ADD3: variants seen among roughly 807,000 people sequenced by gnomAD.
ADD3 encodes gamma-adducin.
Under a neutral mutation model 80.2 loss-of-function variants are expected in ADD3, and 25 were observed. That is an observed-to-expected ratio of 0.31 (90% confidence interval 0.23 to 0.44). ADD3 has a LOEUF of 0.44. Among genes scored for constraint, ADD3 ranks in the 20% least tolerant of loss-of-function variants. The probability of loss-of-function intolerance (pLI) is 1.00; values close to 1 mark genes in which losing one functional copy is unlikely to be tolerated. For synonymous variants in ADD3, 284 were observed against 289.6 expected, an observed-to-expected ratio of 0.98 and a Z score of 0.20; for missense variants, 829 against 847.5, an observed-to-expected ratio of 0.98 and a Z score of 0.27.
chr10:110,126,456 C>T lies in ADD3; in HGVS notation c.1561C>T (p.Pro521Ser), dbSNP rs1215873583. 2 of 1,613,542 alleles carry T rather than the reference C, an allele frequency of 1.2e-6. No individual in the cohort carries two copies. Among genetic ancestry groups the T allele is most frequent in the Non-Finnish European group, 1.7e-6 (2 of 1,179,922 alleles). Reference sequence around the variant, plus strand: ...TCGATATGACTTGAAAACAGCAGGACCACAATCTCAGTTGCTTGCTGGAAT... The same window carrying T: ...TCGATATGACTTGAAAACAGCAGGATCACAATCTCAGTTGCTTGCTGGAAT... Reference protein sequence around the residue: ...QNRYDLKTAGPQSQLLAGIVV... With the variant: ...QNRYDLKTAGSQSQLLAGIVV... The change falls in exon 12 of 15, where the codon CCA becomes TCA. Residue 521 changes from proline (P) to serine (S), a missense_variant. Transcript: ENST00000356080.
Position 110,133,551 on chromosome 10 carries a change from A to G in ADD3, c.2054A>G (p.Lys685Arg). 1 of 1,611,814 alleles carries G rather than the reference A, an allele frequency of 6.2e-7. No individual in the cohort carries two copies. Among genetic ancestry groups the G allele is most frequent in the East Asian group, 2.2e-5 (1 of 44,840 alleles). ...TCCCCTTCAAAATCGCCATCCAAGA[A>G]AAAGAAGAAATTCCGCACTCCTTCT... Reference protein sequence around the residue: ...EGSPSKSPSKKKKKFRTPSFL... With the variant: ...EGSPSKSPSKRKKKFRTPSFL... Residue 685 changes from lysine to arginine, a missense_variant, in exon 15 of 15, where the codon AAA (lysine) becomes AGA (arginine). By Grantham distance (26) the Lys-to-Arg change is conservative. Transcript: ENST00000356080.
At chr10:110,116,198 C>T in intron 3 of ADD3, 61 bp from the exon 4 acceptor site, 1 of 1,566,384 alleles carries the variant, frequency 6.4e-7, no homozygotes, top group Non-Finnish European at 8.7e-7. Flanking sequence ...TTCCTGGCAA[C>T]TAATTTCCAG....
chr10:110,119,884 G>A (rs1851241238), intron 8 of ADD3, among the ~76,000 whole-genome samples: 1 of 152,158 alleles, frequency 6.6e-6, no homozygotes, highest in Admixed American at 6.5e-5. Context: ...AAGAAAAACA[G>A]CTGCAAATCA....
At chr10:110,097,315 G>A (rs1848284397) in intron 1 of ADD3, among the ~76,000 whole-genome samples, 1 of 152,144 alleles carries the variant, frequency 6.6e-6, no homozygotes, top group Admixed American at 6.5e-5. Context: ...ATTCTTTGGT[G>A]AGGAAAGAAC....
chr10:110,036,375 CT>C lies in ADD3; in HGVS notation c.-30+28096del, dbSNP rs551028000. 2.8e-3 allele frequency among the ~76,000 whole-genome samples: 331 copies of C among 116,794 alleles called. 1 individual carries two copies. The highest frequency in any genetic ancestry group is 5.6e-3 in the South Asian group (19 of 3,370). 76.6% of individuals were successfully genotyped at this position (116,794 alleles called of 152,430 possible). ...TCCCCTTACATAGTTTAGAAAGTGT[CT>C]TTTTTTTTTTTTTTTTTTTCTTGAG... On this transcript the variant is annotated intron_variant, in intron 1 of 14. Transcript: ENST00000356080.
intron 1 of ADD3, among the ~76,000 whole-genome samples, chr10:110,084,974 T>G (rs961666610): frequency 6.6e-6 from 1 of 152,222 alleles, no homozygotes; most frequent in Non-Finnish European, 1.5e-5. Flanking sequence ...TCACTTTTTA[T>G]TGAGAGTTCA....
At chr10:110,013,641 T>C (rs1852586016) in intron 1 of ADD3, among the ~76,000 whole-genome samples, 1 of 152,234 alleles carries the variant, frequency 6.6e-6, no homozygotes, top group African/African-American at 2.4e-5. Flanking sequence ...TTAAGCAGGA[T>C]AACCTAACTC....
chr10:110,017,262 C>A (rs1271570438), intron 1 of ADD3, among the ~76,000 whole-genome samples: 1 of 152,174 alleles, frequency 6.6e-6, no homozygotes, highest in African/African-American at 2.4e-5. Context: ...TCTGCCTTGG[C>A]TGGAAAATAC....
chr10:110,086,679 C>T lies in ADD3; in HGVS notation c.-29-13946C>T, dbSNP rs115243295. Reference sequence around the variant, plus strand: ...CCACCATGCAAAGATGTGCTTGCTTCCCCTTCACCTTTCTGCCATGATTGT... The same window carrying T: ...CCACCATGCAAAGATGTGCTTGCTTTCCCTTCACCTTTCTGCCATGATTGT... On this transcript the variant is annotated intron_variant, in intron 1 of 14. Coordinates refer to ENST00000356080, the MANE Select transcript of ADD3 (RefSeq NM_016824.5). 2.7e-3 allele frequency among the ~76,000 whole-genome samples: 417 copies of T among 152,246 alleles called. 1 individual carries two copies. The highest frequency in any genetic ancestry group is 9.5e-3 in the African/African-American group (393 of 41,538).
At chr10:110,033,141 C>T (rs1009781619) in intron 1 of ADD3, among the ~76,000 whole-genome samples, 1 of 152,160 alleles carries the variant, frequency 6.6e-6, no homozygotes, top group Non-Finnish European at 1.5e-5. Flanking sequence ...GAATGAAAAA[C>T]CCTGTTGAAT....
At chr10:110,110,425 C>T (rs1018211079) in intron 2 of ADD3, among the ~76,000 whole-genome samples, 4 of 152,162 alleles carry the variant, frequency 2.6e-5, no homozygotes, top group African/African-American at 4.8e-5. Flanking sequence ...AACTGTTCAA[C>T]AGGAGCTATA....
chr10:110,018,314 G>T (rs1389036328), intron 1 of ADD3, among the ~76,000 whole-genome samples: 1 of 151,786 alleles, frequency 6.6e-6, no homozygotes, highest in Non-Finnish European at 1.5e-5. Context: ...GATTGCCAGA[G>T]GTCAGGAGTT....
At chr10:110,130,143 A>G (rs573864452) in intron 12 of ADD3, among the ~76,000 whole-genome samples, 85 of 152,320 alleles carry the variant, frequency 5.6e-4, no homozygotes, top group Admixed American at 8.5e-4. Context: ...TATTGAGGAA[A>G]TATCACTGGC....
At chr10:110,074,041 G>A (rs1845097617) in intron 1 of ADD3, among the ~76,000 whole-genome samples, 1 of 152,040 alleles carries the variant, frequency 6.6e-6, no homozygotes, top group Admixed American at 6.6e-5. Context: ...CTCTGTGGCT[G>A]TTTTAAGTCA....
chr10:110,040,256 G>A (rs1475154511), intron 1 of ADD3, among the ~76,000 whole-genome samples: 4 of 152,066 alleles, frequency 2.6e-5, no homozygotes, highest in Non-Finnish European at 5.9e-5. Flanking sequence ...TGAGGTTTGG[G>A]TGAGAATATA....
At chr10:110,083,040 C>A (rs527901092) in intron 1 of ADD3, among the ~76,000 whole-genome samples, 1 of 152,208 alleles carries the variant, frequency 6.6e-6, no homozygotes, top group East Asian at 1.9e-4. Context: ...AGTTAATAAA[C>A]CCTTATTGAG....
intron 8 of ADD3, among the ~76,000 whole-genome samples, chr10:110,120,983 T>A (rs61881643): frequency 7.4e-5 from 11 of 149,468 alleles, no homozygotes; most frequent in African/African-American, 1.2e-4. Context: ...TCCTTACACC[T>A]TATACAAAAA....
intron 1 of ADD3, chr10:110,077,250 T>G (rs373487897): frequency 6.6e-6 from 1 of 152,300 alleles, no homozygotes; most frequent in East Asian, 1.9e-4. Flanking sequence ...AGCCTCTGGC[T>G]TTATCACTCC....
At chr10:110,071,111 A>T (rs1374520850) in intron 1 of ADD3, among the ~76,000 whole-genome samples, 2 of 151,174 alleles carry the variant, frequency 1.3e-5, no homozygotes, top group Non-Finnish European at 3.0e-5. Context: ...TCCCAAGATT[A>T]AAAAAAAATT....
Sources: gnomAD v4.1 joint callset for allele counts (sites outside exome capture counted in the v4.1 genomes callset) on GRCh38, gnomAD v4.1.1 for gene constraint, MANE v1.5 for transcripts, NCBI Gene and HGNC (gene_info 2026-07-23, HGNC 2026-07-21) for gene names.